The following TARDBP variants were observed in gnomAD, a reference collection of about 807,000 sequenced individuals.
TARDBP encodes the protein TAR DNA binding protein.
TARDBP carries 4 observed loss-of-function variants against 38.3 expected under a neutral mutation model. The observed-to-expected ratio is 0.10, with a 90% confidence interval of 0.05 to 0.24. The LOEUF is 0.24. Among genes scored for constraint, TARDBP ranks in the 10% least tolerant of loss-of-function variants. TARDBP has a pLI of 1.00. For missense variants in TARDBP, 202 were observed against 521.9 expected, an observed-to-expected ratio of 0.39 and a Z score of 5.97; for synonymous variants, 184 against 183.8, an observed-to-expected ratio of 1.00 and a Z score of -0.01.
downstream of TARDBP, among the ~76,000 whole-genome samples, chr1:11,028,097 C>T (rs1053085295): frequency 6.6e-6 from 1 of 152,066 alleles, no homozygotes; most frequent in African/African-American, 2.4e-5. Context: ...TGATGGGCAC[C>T]TGTAATCCCA....
intron 2 of TARDBP, 116 bp from the exon 3 acceptor site, chr1:11,016,728 G>A (rs74054478): frequency 2.8e-6 from 3 of 1,089,020 alleles, no homozygotes; most frequent in South Asian, 2.9e-5. Flanking sequence ...CAAGTTTTCA[G>A]TGTCTTATTC....
chr1:11,025,474 A>AC lies in TARDBP; in HGVS notation c.*2820_*2821insC, dbSNP rs1643716693. 1 of 151,800 alleles carries AC rather than the reference A, an allele frequency of 6.6e-6. No individual in the cohort carries two copies. The highest frequency in any genetic ancestry group is 2.4e-5 in the African/African-American group (1 of 41,360). The allele number at this position is 151,800 out of a possible 1,614,324, so 9.4% of individuals were successfully genotyped here. On this transcript the variant is annotated 3_prime_UTR_variant, in exon 6 of 6. Coordinates refer to ENST00000240185, the MANE Select transcript of TARDBP (RefSeq NM_007375.4). The stretch of plus-strand genomic sequence containing the variant: ...AAATTTTTTGAACCAGATAAATAAA[A>AC]TTTTTTTTTGACACCACAGTTTAGT...
chr1:11,017,976 G>A (rs769358573), intron 3 of TARDBP, among the ~76,000 whole-genome samples: 8 of 151,876 alleles, frequency 5.3e-5, no homozygotes, highest in Non-Finnish European at 1.2e-4. Context: ...TCCGCTTCCC[G>A]GGTTCATGCC....
At chr1:11,020,306 G>T (rs750650228) in intron 4 of TARDBP, 123 bp from the exon 5 acceptor site, 3 of 1,142,978 alleles carry the variant, frequency 2.6e-6, no homozygotes, top group African/African-American at 3.1e-5. Context: ...TTAAGGGTAC[G>T]TCTACTTTTT....
intron 2 of TARDBP, among the ~76,000 whole-genome samples, chr1:11,015,140 T>G (rs1643494312): frequency 6.6e-6 from 1 of 151,616 alleles, no homozygotes; most frequent in Non-Finnish European, 1.5e-5. Context: ...AACTCGGGGT[T>G]TTTAGTATGC....
chr1:11,016,548 A>AGT (rs1198711704), intron 2 of TARDBP, among the ~76,000 whole-genome samples: 2 of 152,240 alleles, frequency 1.3e-5, no homozygotes, highest in African/African-American at 4.8e-5. Flanking sequence ...TTAAAGTCAA[A>AGT]GTGAAGTAGA....
chr1:11,028,088 G>C (rs1643770495), downstream of TARDBP, among the ~76,000 whole-genome samples: 2 of 152,070 alleles, frequency 1.3e-5, no homozygotes, highest in Non-Finnish European at 2.9e-5. Context: ...CGGGCGTGGT[G>C]ATGGGCACCT....
At chr1:11,014,938 A>G (rs892041070) in intron 2 of TARDBP, among the ~76,000 whole-genome samples, 1 of 70,328 alleles carries the variant, frequency 1.4e-5, no homozygotes, top group East Asian at 8.1e-4. Context: ...CTCCGTCTCA[A>G]AACAAAAAAA....
Position 11,022,608 on chromosome 1 carries a change from G to A in TARDBP, c.1199G>A (p.Gly400Asp). Residue 400 changes from glycine (G) to aspartate (D), a missense_variant, in exon 6 of 6, where the codon GGC becomes GAC. Gly to Asp is a moderately conservative substitution (Grantham distance 94). Around this residue, in one of 5 missense-constraint regions of TARDBP, gnomAD observed 107 missense variants for 190.5 expected, o/e 0.56. Coordinates refer to ENST00000240185, the MANE Select transcript of TARDBP (RefSeq NM_007375.4). This position sits in a 1 kb window ranked among gnomAD's most constrained non-coding sequence, Gnocchi z 4.5. ...NAGSGSGFNG[G>D]FGSSMDSKSS... ...GGGTCGGGCAGTGGTTTTAATGGAG[G>A]CTTTGGCTCAAGCATGGATTCTAAG... The A allele has an allele frequency of 6.3e-7, 1 of 1,597,194 alleles. No homozygotes were observed. Among genetic ancestry groups the A allele is most frequent in the South Asian group, 1.1e-5 (1 of 88,488 alleles).
intron 3 of TARDBP, among the ~76,000 whole-genome samples, chr1:11,017,858 G>T (rs1643558304): frequency 6.6e-6 from 1 of 151,538 alleles, no homozygotes; most frequent in South Asian, 2.1e-4. Flanking sequence ...GGCCACCTTG[G>T]CGAACATATC....
In TARDBP at chr1:11,023,166, T is replaced by A; in HGVS notation, c.*512T>A. On this transcript the variant is annotated 3_prime_UTR_variant, in exon 6 of 6. Coordinates refer to ENST00000240185, the MANE Select transcript of TARDBP (RefSeq NM_007375.4). ...TCTCCCCTCATACACAAAAGTACAA[T>A]ATGAAGCCTTCATTTAATCTCTGCA... The A allele has an allele frequency of 6.5e-7, 1 of 1,549,992 alleles. No individual in the cohort carries two copies. Among genetic ancestry groups the A allele is most frequent in the Non-Finnish European group, 8.7e-7 (1 of 1,146,590 alleles).
At chr1:11,028,120 G>A (rs1297091847), downstream of TARDBP, among the ~76,000 whole-genome samples, 1 of 152,066 alleles carries the variant, frequency 6.6e-6, no homozygotes, top group African/African-American at 2.4e-5. Flanking sequence ...CACTTGGGAG[G>A]CTGAGGCAGG....
At chr1:11,030,486 A>C, downstream of TARDBP, 1 of 580,162 alleles carries the variant, frequency 1.7e-6, no homozygotes. Context: ...CAAGTGCTTA[A>C]TGATAAGGTG....
At chr1:11,016,579 C>T (rs1056545405) in intron 2 of TARDBP, among the ~76,000 whole-genome samples, 2 of 152,236 alleles carry the variant, frequency 1.3e-5, no homozygotes, top group Admixed American at 6.5e-5. Context: ...TTTTGATAAA[C>T]CTTTTGAGAG....
At chr1:11,028,727 T>G (rs946263172), downstream of TARDBP, among the ~76,000 whole-genome samples, 54 of 149,164 alleles carry the variant, frequency 3.6e-4, no homozygotes, top group African/African-American at 1.2e-3. Flanking sequence ...TTTTTTTTTT[T>G]TTTTGAGACA....
At chr1:11,019,031 T>C in intron 4 of TARDBP, 158 bp downstream of exon 4, 2 of 868,198 alleles carry the variant, frequency 2.3e-6, no homozygotes, top group South Asian at 2.9e-5. Context: ...TGCTGAATAT[T>C]TTATGCTTGT....
chr1:11,022,792 A>G lies in TARDBP; in HGVS notation c.*138A>G. 2.8e-6 allele frequency: 4 copies of G among 1,414,400 alleles called. No individual in the cohort carries two copies. The South Asian group carries it at 7.4e-5, about 26-fold the overall frequency. The allele number at this position is 1,414,400 out of a possible 1,614,324, so 87.6% of individuals were successfully genotyped here. On this transcript the variant is annotated 3_prime_UTR_variant, in exon 6 of 6. Coordinates refer to ENST00000240185, the MANE Select transcript of TARDBP (RefSeq NM_007375.4). The surrounding 1 kb of genome is among the most constrained non-coding windows in gnomAD (Gnocchi z 4.5). ...TTCAGTGTGGAGTATATTCAGCAGT[A>G]TTTTTGACATTTTTCTTTAGAAAAA...
downstream of TARDBP, chr1:11,026,344 C>G (rs889298180): frequency 6.6e-6 from 1 of 152,184 alleles, no homozygotes; most frequent in African/African-American, 2.4e-5. Context: ...TTCCTTTTGT[C>G]TGACAATTTG....
chr1:11,023,154 A>G lies in TARDBP; in HGVS notation c.*500A>G, dbSNP rs1485166207. On this transcript the variant is annotated 3_prime_UTR_variant, in exon 6 of 6. Coordinates refer to ENST00000240185, the MANE Select transcript of TARDBP (RefSeq NM_007375.4). The stretch of plus-strand genomic sequence containing the variant: ...TTTTAACACTTGTCTCCCCTCATAC[A>G]CAAAAGTACAATATGAAGCCTTCAT... 4.1e-5 allele frequency: 63 copies of G among 1,547,316 alleles called. No homozygotes were observed. The highest frequency in any genetic ancestry group is 5.4e-5 in the Non-Finnish European group (62 of 1,144,724).
Sources: allele counts gnomAD v4.1 joint callset (sites outside exome capture counted in the v4.1 genomes callset), GRCh38; gene constraint gnomAD v4.1.1; regional missense constraint gnomAD v4.1.1; non-coding constraint Gnocchi (gnomAD v3.1); transcripts MANE v1.5; gene names NCBI Gene and HGNC (gene_info 2026-07-23, HGNC 2026-07-21).